MYH9: variants seen among roughly 807,000 people sequenced by gnomAD.
MYH9 encodes the protein myosin heavy chain 9, also known as myosin-9.
In MYH9, 29 loss-of-function variants were observed where a neutral mutation model predicts 241.9. The observed-to-expected ratio is 0.12, with a 90% CI of 0.09 to 0.16. MYH9 has a LOEUF of 0.16. Among genes scored for constraint, MYH9 ranks in the 10% least tolerant of loss-of-function variants. The probability of loss-of-function intolerance (pLI) is 1.00; values close to 1 mark genes in which losing one functional copy is unlikely to be tolerated. For missense variants in MYH9, 1,803 were observed against 2,595.5 expected (o/e 0.69, Z 6.63); for synonymous variants, 1,047 against 1,062.6 (o/e 0.99, Z 0.29).
At chr22:36,366,385 G>C (rs974531607) in intron 1 of MYH9, among the ~76,000 whole-genome samples, 1 of 152,074 alleles carries the variant, frequency 6.6e-6, no homozygotes, top group Admixed American at 6.6e-5. Flanking sequence ...TCAGTGAGAG[G>C]TGGGGGGTCG....
intron 1 of MYH9, among the ~76,000 whole-genome samples, chr22:36,386,995 T>C (rs2146434800): frequency 6.6e-6 from 1 of 152,272 alleles, no homozygotes; most frequent in Admixed American, 6.5e-5. Context: ...CTGGGTGCGG[T>C]GGAATCAGGT....
chr22:36,303,342 C>A (rs1363386953), intron 19 of MYH9, among the ~76,000 whole-genome samples: 2 of 151,898 alleles, frequency 1.3e-5, no homozygotes, highest in Non-Finnish European at 2.9e-5. Context: ...CCCCTGGAAT[C>A]ACAGGGTTCT....
chr22:36,316,818 A>C (rs2017160902), intron 11 of MYH9, 149 bp from the exon 12 acceptor site: 5 of 822,562 alleles, frequency 6.1e-6, no homozygotes, highest in Non-Finnish European at 9.6e-6. Flanking sequence ...TTCGTACACA[A>C]ATATGTTCAC....
Position 36,293,342 on chromosome 22 carries a change from G to A in MYH9, c.4082C>T (p.Thr1361Ile). The A allele has an allele frequency of 6.2e-7, 1 of 1,614,058 alleles. No individual in the cohort carries two copies. The highest frequency in any genetic ancestry group is 8.5e-7 in the Non-Finnish European group (1 of 1,180,038). Residue 1361 changes from threonine to isoleucine, a missense_variant, in exon 30 of 41, where the codon ACC becomes ATC. This residue lies in a region of MYH9 where 876 missense variants were observed against 1,077.8 expected (regional missense o/e 0.81). Coordinates refer to ENST00000216181, the MANE Select transcript of MYH9 (RefSeq NM_002473.6). This position sits in a 1 kb window ranked among gnomAD's most constrained non-coding sequence, Gnocchi z 5.1. ...AKHNLEKQIATLHAQVADMKK... is the reference protein window; with the variant it reads ...AKHNLEKQIAILHAQVADMKK... ...AGGCCTCCAAACCTGGGCATGGAGG[G>A]TGGCGATCTGCTTCTCCAGGTTGTG...
chr22:36,294,827 C>CAGTTG (rs1404356318), intron 27 of MYH9, 105 bp downstream of exon 27: 1 of 1,509,224 alleles, frequency 6.6e-7, no homozygotes, highest in African/African-American at 1.4e-5. Flanking sequence ...CAGAACCAGG[C>CAGTTG]AGTTGGGTAG....
chr22:36,329,941 C>T lies in MYH9; in HGVS notation c.491-2453G>A, dbSNP rs1383370029. ...CACACAAGGCACACAGCTGCACACG[C>T]ATTCACAGATGCATATCCACAAGCA... On this transcript the variant is annotated intron_variant, in intron 3 of 40. Transcript: ENST00000216181. This position sits in a 1 kb window ranked among gnomAD's most constrained non-coding sequence, Gnocchi z 4.1. 1.3e-5 allele frequency among the ~76,000 whole-genome samples: 2 copies of T among 152,242 alleles called. No individual in the cohort carries two copies. The highest frequency in any genetic ancestry group is 3.8e-4 in the East Asian group (2 of 5,204).
intron 2 of MYH9, among the ~76,000 whole-genome samples, chr22:36,341,789 G>A (rs1054744441): frequency 2.0e-5 from 3 of 152,202 alleles, no homozygotes; most frequent in Non-Finnish European, 2.9e-5. Flanking sequence ...GTCAGTGAGT[G>A]TGCGTATCCA....
At chr22:36,358,427 C>T (rs1217588816) in intron 1 of MYH9, among the ~76,000 whole-genome samples, 1 of 152,178 alleles carries the variant, frequency 6.6e-6, no homozygotes, top group Non-Finnish European at 1.5e-5. Context: ...AAATCCATGG[C>T]TTCCACCACT....
chr22:36,365,415 G>C (rs1056987907), intron 1 of MYH9, among the ~76,000 whole-genome samples: 13 of 152,116 alleles, frequency 8.5e-5, no homozygotes, highest in Admixed American at 5.9e-4. Context: ...AGAGGCGCCA[G>C]GGCATCTCAT....
chr22:36,301,770 G>A (rs1200147353), intron 20 of MYH9, 105 bp from the exon 21 acceptor site: 5 of 1,476,966 alleles, frequency 3.4e-6, no homozygotes, highest in East Asian at 2.3e-5. Context: ...AAAGTGAGGG[G>A]CAAGAAGACA....
chr22:36,295,432 G>A lies in MYH9; in HGVS notation c.3485+73C>T, dbSNP rs73885341. On this transcript the variant is annotated intron_variant, in intron 26 of 40. Transcript: ENST00000216181. The surrounding 1 kb of genome is among the most constrained non-coding windows in gnomAD (Gnocchi z 4.1). ...TGTGTGTGTGTGTGTGCAGAGGCCC[G>A]GGGTCCATGTCTCCAAGCCAAGGCC... is the stretch of plus-strand genomic sequence containing the variant. 0.028 allele frequency: 34,610 copies of A among 1,233,668 alleles called. 2,866 individuals are homozygous for A. The highest frequency in any genetic ancestry group is 0.28 in the African/African-American group (18,632 of 67,196). 76.4% of individuals were successfully genotyped at this position (1,233,668 alleles called of 1,614,324 possible). A position where few individuals can be genotyped will look rare whatever the true frequency, so the allele number is the denominator to read the frequency against.
At chr22:36,319,930 G>A (rs575796340) in intron 9 of MYH9, 323 of 606,466 alleles carry the variant, frequency 5.3e-4, no homozygotes, top group Non-Finnish European at 8.4e-4. Context: ...CCCCGAGACA[G>A]GACGTGAATA....
intron 1 of MYH9, among the ~76,000 whole-genome samples, chr22:36,376,685 C>T (rs781631198): frequency 6.6e-6 from 1 of 152,222 alleles, no homozygotes; most frequent in Admixed American, 6.5e-5. Context: ...AGGGATTCCC[C>T]GATCAGTGTT....
intron 1 of MYH9, among the ~76,000 whole-genome samples, chr22:36,376,796 G>C (rs1451627073): frequency 1.3e-5 from 2 of 152,194 alleles, no homozygotes; most frequent in Non-Finnish European, 2.9e-5. Flanking sequence ...GGGCGCAGTG[G>C]CTCATGCCTG....
intron 13 of MYH9, among the ~76,000 whole-genome samples, chr22:36,313,837 G>T (rs920872637): frequency 6.6e-6 from 1 of 152,194 alleles, no homozygotes; most frequent in African/African-American, 2.4e-5. Flanking sequence ...CAGCCTTCAG[G>T]AGGATGCTGG....
At chr22:36,294,555 G>T (rs2016759148) in intron 27 of MYH9, among the ~76,000 whole-genome samples, 1 of 152,216 alleles carries the variant, frequency 6.6e-6, no homozygotes, top group Non-Finnish European at 1.5e-5. Context: ...TACCTGCCCA[G>T]CCTTCTGCCC....
rs1467956956 is a variant in MYH9 at position 36,288,371 on chromosome 22, G to A, written c.4813C>T (p.Arg1605Cys). The A allele has an allele frequency of 5.6e-6, 9 of 1,613,288 alleles. No homozygotes were observed. Among genetic ancestry groups the A allele is most frequent in the African/African-American group, 4.0e-5 (3 of 74,920 alleles). The change falls in exon 34 of 41, where the codon CGC (arginine) becomes TGC (cysteine). Residue 1605 changes from arginine (R) to cysteine (C), a missense_variant. Transcript: ENST00000216181. This position sits in a 1 kb window ranked among gnomAD's most constrained non-coding sequence, Gnocchi z 4.8. ...TTCCGGGCGGCCACTGCCATCGAGC[G>A]CTGCTTCCTCTCGTCCTCCAGCTCT... Reference protein sequence around the residue: ...EAELEDERKQRSMAVAARKKL... With the variant: ...EAELEDERKQCSMAVAARKKL...
At position 36,314,180 on chromosome 22, in the gene MYH9, C is replaced by T. The variant is rs377410439; in HGVS notation, c.1519G>A (p.Asp507Asn). The change falls in exon 13 of 41, where the codon GAC becomes AAC. Residue 507 changes from aspartate to asparagine, a missense_variant. By Grantham distance (23) the Asp-to-Asn change is conservative. Coordinates refer to ENST00000216181, the MANE Select transcript of MYH9 (RefSeq NM_002473.6). ...IEWNFIDFGL[D>N]LQPCIDLIEK... is the part of the protein sequence containing the mutation. Reference sequence around the variant, plus strand: ...ATGAGGTCGATGCAGGGCTGCAGGTCGAGGCCAAAGTCGATGAAGTTCCAC... The same window carrying T: ...ATGAGGTCGATGCAGGGCTGCAGGTTGAGGCCAAAGTCGATGAAGTTCCAC... 3.1e-5 allele frequency: 50 copies of T among 1,614,090 alleles called. No homozygotes were observed. Among genetic ancestry groups the T allele is most frequent in the Non-Finnish European group, 4.2e-5 (50 of 1,180,048 alleles).
chr22:36,320,868 G>C lies in MYH9; in HGVS notation c.798C>G (p.Arg266=), dbSNP rs976481366. The C allele has an allele frequency of 3.7e-6, 6 of 1,613,936 alleles. No individual in the cohort carries two copies. In the Admixed American group the frequency reaches 1.0e-4, roughly 27 times the overall value. The change falls in exon 8 of 41, where the codon CGC becomes CGG. Residue 266 remains arginine (R), a synonymous_variant. Transcript: ENST00000216181. This position sits in a 1 kb window ranked among gnomAD's most constrained non-coding sequence, Gnocchi z 4.8. ...GGAAGGTCCGTTCTTCCTTGGCTTG[G>C]CGGATAGCACGAGATTTCTCCAAAA... ...TYLLEKSRAI[R]QAKEERTFHI...
Sources: allele counts gnomAD v4.1 joint callset (sites outside exome capture counted in the v4.1 genomes callset), GRCh38; gene constraint gnomAD v4.1.1; regional missense constraint gnomAD v4.1.1; non-coding constraint Gnocchi (gnomAD v3.1); transcripts MANE v1.5; gene names NCBI Gene and HGNC (gene_info 2026-07-23, HGNC 2026-07-21).